Variants in KIN observed in about 807,000 individuals in gnomAD.
The protein encoded by KIN is DNA/RNA-binding protein KIN17.
A neutral mutation model predicts 63.0 loss-of-function variants in KIN; 47 were observed. The observed-to-expected ratio is 0.75, with a 90% confidence interval of 0.59 to 0.95. The LOEUF is 0.95. Ranked by LOEUF, KIN falls within the 40% of genes least tolerant of loss-of-function variation. The probability of loss-of-function intolerance (pLI) is 0.00; values close to 1 mark genes in which losing one functional copy is unlikely to be tolerated. For synonymous variants in KIN, 160 were observed against 157.7 expected, an observed-to-expected ratio of 1.01 and a Z score of -0.11; for missense variants, 408 against 460.9, an observed-to-expected ratio of 0.89 and a Z score of 1.05.
At chr10:7,774,106 G>A (rs554179886) in intron 7 of KIN, among the ~76,000 whole-genome samples, 13 of 152,294 alleles carry the variant, frequency 8.5e-5, no homozygotes, top group African/African-American at 3.1e-4. Flanking sequence ...TACAACAGCA[G>A]AGTTCAGTTA....
intron 1 of KIN, among the ~76,000 whole-genome samples, chr10:7,783,573 C>T (rs991829139): frequency 6.6e-6 from 1 of 152,200 alleles, no homozygotes; most frequent in African/African-American, 2.4e-5. Flanking sequence ...ATTTTCACCA[C>T]AGAAACTACT....
At position 7,752,003 on chromosome 10, in the gene KIN, CCG is replaced by C. The variant is rs1835252753; in HGVS notation, c.*4075_*4076del. ...TGAGCCGAGATTGCGCCACTGCAGT[CCG>C]CAGTCCGGCCTGGGCGACAGAGCGA... On this transcript the variant is annotated 3_prime_UTR_variant, in exon 13 of 13. Coordinates refer to ENST00000379562, the MANE Select transcript of KIN (RefSeq NM_012311.4). 1.8e-3 allele frequency: 3 copies of C among 1,712 alleles called. 1 individual carries two copies. Among genetic ancestry groups the C allele is most frequent in the Non-Finnish European group, 2.9e-3 (3 of 1,022 alleles). The allele number at this position is 1,712 out of a possible 1,614,324, so 0.1% of individuals were successfully genotyped here.
chr10:7,768,904 C>T (rs1483289749), intron 8 of KIN, among the ~76,000 whole-genome samples: 1 of 151,916 alleles, frequency 6.6e-6, no homozygotes, highest in Non-Finnish European at 1.5e-5. Context: ...GCAATCCCAG[C>T]TACTTGGGAG....
rs1252448739 is a variant in KIN, at chr10:7,755,753, G to C, written c.*327C>G. The C allele has an allele frequency of 5.8e-6, 1 of 173,684 alleles. No homozygotes were observed. The highest frequency in any genetic ancestry group is 2.4e-5 in the African/African-American group (1 of 42,284). The allele number at this position is 173,684 out of a possible 1,614,324, so 10.8% of individuals were successfully genotyped here. On this transcript the variant is annotated 3_prime_UTR_variant, in exon 13 of 13. Transcript: ENST00000379562. ...TACTCTACTACTGAAAATATAGAGTGTATGAAGGATTTCCTCCAATTACAT... is the reference window on the plus strand; with the variant it reads ...TACTCTACTACTGAAAATATAGAGTCTATGAAGGATTTCCTCCAATTACAT...
intron 9 of KIN, among the ~76,000 whole-genome samples, chr10:7,764,221 G>A (rs935190877): frequency 5.3e-5 from 8 of 152,164 alleles, no homozygotes; most frequent in Admixed American, 6.5e-5. Context: ...GCAAGGCACT[G>A]AGCCTGCAAG....
chr10:7,756,011 T>C lies in KIN; in HGVS notation c.*69A>G. The C allele has an allele frequency of 1.1e-6, 1 of 891,438 alleles. No individual in the cohort carries two copies. Among genetic ancestry groups the C allele is most frequent in the Non-Finnish European group, 1.8e-6 (1 of 552,450 alleles). The allele number at this position is 891,438 out of a possible 1,614,324, so 55.2% of individuals were successfully genotyped here. On this transcript the variant is annotated 3_prime_UTR_variant, in exon 13 of 13. Transcript: ENST00000379562. ...GAATATACCCTAACACAGTAGAGTCTCATAATGCCTTGGCGAACACCAATT... is the reference window on the plus strand; with the variant it reads ...GAATATACCCTAACACAGTAGAGTCCCATAATGCCTTGGCGAACACCAATT...
intron 2 of KIN, among the ~76,000 whole-genome samples, chr10:7,780,700 C>T (rs1835879596): frequency 6.6e-6 from 1 of 152,160 alleles, no homozygotes; most frequent in Non-Finnish European, 1.5e-5. Context: ...TGCATCTAGC[C>T]AGTAGTATAG....
chr10:7,776,019 T>C (rs1454425408), intron 5 of KIN, among the ~76,000 whole-genome samples: 1 of 151,666 alleles, frequency 6.6e-6, no homozygotes, highest in Non-Finnish European at 1.5e-5. Flanking sequence ...ATGAGGTCAG[T>C]AGTTCGAGAC....
In KIN at chr10:7,778,247, T is replaced by C. The variant is rs181922004; in HGVS notation, c.558+591A>G. On this transcript the variant is annotated intron_variant, in intron 5 of 12. Transcript: ENST00000379562. ...AATCAGTTGAAATTATCTGTGTATA[T>C]GTCTTCCCATTAGGTAGCGTCTCTA... Among the ~76,000 whole-genome samples, 99 of 152,326 alleles carry C rather than the reference T, an allele frequency of 6.5e-4. 1 individual carries two copies. Among genetic ancestry groups the C allele is most frequent in the African/African-American group, 2.3e-3 (97 of 41,576 alleles).
intron 9 of KIN, among the ~76,000 whole-genome samples, chr10:7,764,325 G>C (rs866685730): frequency 6.6e-6 from 1 of 152,164 alleles, no homozygotes; most frequent in African/African-American, 2.4e-5. Flanking sequence ...TATAGCTAAA[G>C]GTATTGTTCT....
At chr10:7,771,620 C>T (rs1046337954) in intron 7 of KIN, among the ~76,000 whole-genome samples, 2 of 152,056 alleles carry the variant, frequency 1.3e-5, no homozygotes, top group Admixed American at 6.6e-5. Context: ...GGGCCGGGCG[C>T]GGTGGCTCAT....
chr10:7,755,322 T>C lies in KIN; in HGVS notation c.*758A>G, dbSNP rs1048285114. On this transcript the variant is annotated 3_prime_UTR_variant, in exon 13 of 13. Transcript: ENST00000379562. ...AATATTAAGCAGCCATAAAAACAAA[T>C]GAAGCACGCCTACATGCTACTGCAT... 6.6e-6 allele frequency: 1 copy of C among 152,150 alleles called. No individual in the cohort carries two copies. Among genetic ancestry groups the C allele is most frequent in the African/African-American group, 2.4e-5 (1 of 41,438 alleles). 9.4% of individuals were successfully genotyped at this position (152,150 alleles called of 1,614,324 possible).
intron 8 of KIN, chr10:7,766,409 A>C (rs1276486763): frequency 1.1e-5 from 3 of 272,836 alleles, no homozygotes; most frequent in East Asian, 9.3e-5. Context: ...ACTTTCTCCC[A>C]TGTGACTGTC....
At chr10:7,767,831 C>A (rs554376760) in intron 8 of KIN, among the ~76,000 whole-genome samples, 1 of 147,160 alleles carries the variant, frequency 6.8e-6, no homozygotes. Context: ...TGCACTCCAG[C>A]CTGAGTGACA....
At chr10:7,782,236 T>C (rs1158072588) in intron 2 of KIN, among the ~76,000 whole-genome samples, 2 of 151,974 alleles carry the variant, frequency 1.3e-5, no homozygotes, top group South Asian at 2.1e-4. Flanking sequence ...AAGAAAGAGA[T>C]GGTAAGAAGC....
intron 7 of KIN, among the ~76,000 whole-genome samples, chr10:7,772,254 C>T (rs1397166010): frequency 2.0e-5 from 3 of 152,132 alleles, no homozygotes; most frequent in Non-Finnish European, 4.4e-5. Context: ...TAGAAAGGTC[C>T]TTTTGCTGGC....
At chr10:7,759,825 TAA>T in intron 12 of KIN, 63 bp downstream of exon 12, 1 of 826,478 alleles carries the variant, frequency 1.2e-6, no homozygotes, top group Non-Finnish European at 2.0e-6. Flanking sequence ...ACAATCCAAT[TAA>T]AAAAAACTAT....
At chr10:7,782,281 G>C (rs1043684466) in intron 2 of KIN, among the ~76,000 whole-genome samples, 1 of 152,028 alleles carries the variant, frequency 6.6e-6, no homozygotes, top group Non-Finnish European at 1.5e-5. Context: ...GATAAGAACA[G>C]CTAATCTGAA....
At chr10:7,773,962 C>T (rs1266719635) in intron 7 of KIN, among the ~76,000 whole-genome samples, 1 of 152,116 alleles carries the variant, frequency 6.6e-6, no homozygotes, top group Non-Finnish European at 1.5e-5. Context: ...ACTACCTGAC[C>T]ACATGCTATG....
Sources: gnomAD v4.1 joint callset for allele counts (sites outside exome capture counted in the v4.1 genomes callset) on GRCh38, gnomAD v4.1.1 for gene constraint, MANE v1.5 for transcripts, NCBI Gene and HGNC (gene_info 2026-07-23, HGNC 2026-07-21) for gene names.